The following KMT5C variants were observed in gnomAD, a reference collection of about 807,000 sequenced individuals.
KMT5C encodes the protein histone-lysine N-methyltransferase KMT5C.
Under a neutral mutation model 38.2 loss-of-function variants are expected in KMT5C, and 16 were observed. That is an observed-to-expected ratio of 0.42 (90% confidence interval 0.28 to 0.64). The LOEUF (loss-of-function observed/expected upper bound fraction) is 0.64. Ranked by LOEUF, KMT5C falls within the 30% of genes least tolerant of loss-of-function variation. KMT5C has a pLI of 0.23. For synonymous variants in KMT5C, 291 were observed against 279.0 expected (o/e 1.04, Z -0.43); for missense variants, 598 against 665.1 (o/e 0.90, Z 1.11).
chr19:55,340,615 G>GC (rs144626907), intron 1 of KMT5C, among the ~76,000 whole-genome samples: 9,848 of 151,500 alleles, frequency 0.065, 419 homozygotes, highest in African/African-American at 0.1. Context: ...ACCCCACCAA[G>GC]CCCGTTTGGA....
Position 55,344,013 on chromosome 19 carries a change from T to A in KMT5C, c.570+16T>A. The A allele has an allele frequency of 2.5e-6, 4 of 1,609,342 alleles. No homozygotes were observed. Among genetic ancestry groups the A allele is most frequent in the Non-Finnish European group, 3.4e-6 (4 of 1,176,318 alleles). On this transcript the variant is annotated intron_variant, in intron 6 of 8. Coordinates refer to ENST00000255613, the MANE Select transcript of KMT5C (RefSeq NM_032701.4). ...CAACTGCAAGGTAAGGCCTTGGGAC[T>A]CGGGAGGAGAGGGCACGCAGGAAGA...
chr19:55,345,951 C>G (rs2089611731), intron 6 of KMT5C: 3 of 532,780 alleles, frequency 5.6e-6, no homozygotes, highest in Non-Finnish European at 1.0e-5. Context: ...ACTGCTGGCA[C>G]TGCACGCTGC....
In KMT5C at chr19:55,341,874, G is replaced by A. The variant is rs1600260926; in HGVS notation, c.-63G>A. ...GAGTCAGCACCAAGCCAGGCTCCCCGCGCCTGCCTTGCCCTCACCTGCTCC... is the reference window on the plus strand; with the variant it reads ...GAGTCAGCACCAAGCCAGGCTCCCCACGCCTGCCTTGCCCTCACCTGCTCC... On this transcript the variant is annotated 5_prime_UTR_variant, in exon 2 of 9. Transcript: ENST00000255613. The A allele has an allele frequency of 7.4e-6, 10 of 1,342,786 alleles. No homozygotes were observed. The highest frequency in any genetic ancestry group is 3.6e-4 in the Middle Eastern group (2 of 5,512). The allele number at this position is 1,342,786 out of a possible 1,614,324, so 83.2% of individuals were successfully genotyped here.
chr19:55,343,283 A>G lies in KMT5C; in HGVS notation c.387-397A>G, dbSNP rs1161669495. On this transcript the variant is annotated intron_variant, in intron 4 of 8. Coordinates refer to ENST00000255613, the MANE Select transcript of KMT5C (RefSeq NM_032701.4). This position sits in a 1 kb window ranked among gnomAD's most constrained non-coding sequence, Gnocchi z 5.5. ...TGGTACATGCTGCAGGGGAGCTGTGAGGAATGAGCAAGTGCTCCCAGGGCG... is the reference window on the plus strand; with the variant it reads ...TGGTACATGCTGCAGGGGAGCTGTGGGGAATGAGCAAGTGCTCCCAGGGCG... The G allele has an allele frequency of 3.1e-6, 1 of 317,524 alleles. No individual in the cohort carries two copies. The highest frequency in any genetic ancestry group is 3.8e-5 in the South Asian group (1 of 26,118). 19.7% of individuals were successfully genotyped at this position (317,524 alleles called of 1,614,324 possible).
In KMT5C at chr19:55,346,489, C is replaced by G. The variant is rs372350506; in HGVS notation, c.708-11C>G. ...CACCCGGCCTCATCTCCCCTTCACCCGGTCTCCCAGGAAAGGTGAAGGAGC... is the reference window on the plus strand; with the variant it reads ...CACCCGGCCTCATCTCCCCTTCACCGGGTCTCCCAGGAAAGGTGAAGGAGC... On this transcript the variant is annotated splice_polypyrimidine_tract_variant and intron_variant, in intron 7 of 8. Transcript: ENST00000255613. The G allele has an allele frequency of 6.3e-7, 1 of 1,591,324 alleles. No individual in the cohort carries two copies. The highest frequency in any genetic ancestry group is 1.7e-4 in the Middle Eastern group (1 of 6,036).
chr19:55,345,567 G>A (rs1015773634), intron 6 of KMT5C, among the ~76,000 whole-genome samples: 1 of 152,188 alleles, frequency 6.6e-6, no homozygotes. Flanking sequence ...AGGCAGGCAG[G>A]TGGCGAGGGC....
chr19:55,340,335 G>GC (rs1569018307), intron 1 of KMT5C, among the ~76,000 whole-genome samples: 26 of 146,448 alleles, frequency 1.8e-4, no homozygotes, highest in Admixed American at 6.0e-4. Context: ...GCCTCTCCCT[G>GC]ACCCTTCTCT....
chr19:55,343,996 A>C lies in KMT5C; in HGVS notation c.569A>C (p.Lys190Thr). 1 of 1,612,210 alleles carries C rather than the reference A, an allele frequency of 6.2e-7. No homozygotes were observed. Among genetic ancestry groups the C allele is most frequent in the Non-Finnish European group, 8.5e-7 (1 of 1,178,496 alleles). ...FINHDCKPNC[K>T]FVPADGNAAC... ...GCTCCAGACTGCAAACCCAACTGCAAGGTAAGGCCTTGGGACTCGGGAGGA... is the reference window on the plus strand; with the variant it reads ...GCTCCAGACTGCAAACCCAACTGCACGGTAAGGCCTTGGGACTCGGGAGGA... The change falls in exon 6 of 9, where the codon AAG becomes ACG. Residue 190 changes from lysine (K) to threonine (T), a missense_variant and splice_region_variant. By Grantham distance (78) the Lys-to-Thr change is moderately conservative (BLOSUM62 -1). Around this residue, in one of 3 missense-constraint regions of KMT5C, gnomAD observed 105 missense variants for 179.2 expected, o/e 0.59. Coordinates refer to ENST00000255613, the MANE Select transcript of KMT5C (RefSeq NM_032701.4). This position sits in a 1 kb window ranked among gnomAD's most constrained non-coding sequence, Gnocchi z 5.5.
chr19:55,346,183 GC>G, intron 6 of KMT5C, 29 bp from the exon 7 acceptor site: 1 of 1,612,460 alleles, frequency 6.2e-7, no homozygotes, highest in Non-Finnish European at 8.5e-7. Context: ...TGTGCCCTGG[GC>G]CAGGGCGCTG....
chr19:55,341,044 G>A (rs1187483244), intron 1 of KMT5C, among the ~76,000 whole-genome samples: 2 of 152,244 alleles, frequency 1.3e-5, no homozygotes, highest in Non-Finnish European at 2.9e-5. Context: ...GGGCGCGGAT[G>A]AGCCTCGAGC....
At chr19:55,342,490 C>G (rs2123190109) in intron 3 of KMT5C, 110 bp downstream of exon 3, 1 of 872,112 alleles carries the variant, frequency 1.1e-6, no homozygotes, top group Non-Finnish European at 1.7e-6. Context: ...CCTGGGGCCC[C>G]CTGACTTCCT....
Position 55,347,115 on chromosome 19 carries a change from C to T in KMT5C, c.1055C>T (p.Ala352Val), listed in dbSNP as rs1361728089. The T allele has an allele frequency of 6.5e-7, 1 of 1,549,718 alleles. No individual in the cohort carries two copies. Among genetic ancestry groups the T allele is most frequent in the Non-Finnish European group, 8.7e-7 (1 of 1,154,954 alleles). Residue 352 changes from alanine (A) to valine (V), a missense_variant, in exon 9 of 9, where the codon GCC becomes GTC. Around this residue, in one of 3 missense-constraint regions of KMT5C, gnomAD observed 326 missense variants for 298.1 expected, o/e 1.09. Transcript: ENST00000255613. This position sits in a 1 kb window ranked among gnomAD's most constrained non-coding sequence, Gnocchi z 4.6. ...RAPVLSTHHA[A>V]RVSLHRWGGC... ...CCAGTGCTCTCCACCCACCACGCTG[C>T]CCGCGTCTCCCTGCACCGATGGGGA...
In KMT5C at chr19:55,343,737, A is replaced by G; in HGVS notation, c.444A>G (p.Ala148=). 1 of 1,588,228 alleles carries G rather than the reference A, an allele frequency of 6.3e-7. No individual in the cohort carries two copies. The highest frequency in any genetic ancestry group is 8.6e-7 in the Non-Finnish European group (1 of 1,167,002). ...GCTGCATTGCAGAGCTGCGGGAGGC[A>G]GATGAGGGGCTGCTGAGGGCCGGTG... ...LVGCIAELRE[A]DEGLLRAGEN... is the part of the protein sequence containing the mutation. The change falls in exon 5 of 9, where the codon GCA becomes GCG. Residue 148 remains alanine (A), a synonymous_variant. Transcript: ENST00000255613. The surrounding 1 kb of genome is among the most constrained non-coding windows in gnomAD (Gnocchi z 5.5).
Position 55,342,380 on chromosome 19 carries a change from C to T in KMT5C, c.276C>T (p.His92=). 2.0e-6 allele frequency: 3 copies of T among 1,500,196 alleles called. No individual in the cohort carries two copies. Among genetic ancestry groups the T allele is most frequent in the Admixed American group, 2.2e-5 (1 of 45,422 alleles). The allele number at this position is 1,500,196 out of a possible 1,614,324, so 92.9% of individuals were successfully genotyped here. A position where few individuals can be genotyped will look rare whatever the true frequency, so the allele number is the denominator to read the frequency against. ...GGCAGGAGGCTGCCCTCAAGACCCA[C>T]GTGAGGGCGCCCTCCCCTCCCCCGC... The part of the protein sequence containing the change: ...GPRQEAALKT[H]VYRYLRAFLP... Residue 92 remains histidine, a splice_region_variant and synonymous_variant, in exon 3 of 9, where the codon CAC becomes CAT. Coordinates refer to ENST00000255613, the MANE Select transcript of KMT5C (RefSeq NM_032701.4).
chr19:55,346,879 AGAG>A, intron 8 of KMT5C, 74 bp from the exon 9 acceptor site: 1 of 761,596 alleles, frequency 1.3e-6, no homozygotes, highest in South Asian at 1.6e-5. Context: ...CTCCTTGTCC[AGAG>A]GAGGACCGGC....
intron 6 of KMT5C, chr19:55,345,232 C>T (rs1359520544): frequency 2.7e-6 from 1 of 367,020 alleles, no homozygotes; most frequent in South Asian, 2.0e-5. Context: ...AAATCAGGGG[C>T]AAAGGGGGGC....
intron 8 of KMT5C, 63 bp downstream of exon 8, chr19:55,346,750 C>A: frequency 7.3e-7 from 1 of 1,369,148 alleles, no homozygotes; most frequent in Non-Finnish European, 9.8e-7. Context: ...CATCTGTCTC[C>A]TTTCTTCTGA....
At chr19:55,342,969 G>T in intron 4 of KMT5C, 118 bp downstream of exon 4, 1 of 688,832 alleles carries the variant, frequency 1.5e-6, no homozygotes, top group Admixed American at 2.1e-5. Context: ...CTGGTCCTCC[G>T]GGCATCCTAG....
At chr19:55,346,869 C>T in intron 8 of KMT5C, 87 bp from the exon 9 acceptor site, 1 of 776,756 alleles carries the variant, frequency 1.3e-6, no homozygotes, top group Admixed American at 2.1e-5. Flanking sequence ...GCAGGGCTGC[C>T]TCCTTGTCCA....
Sources: allele counts gnomAD v4.1 joint callset (sites outside exome capture counted in the v4.1 genomes callset), GRCh38; gene constraint gnomAD v4.1.1; regional missense constraint gnomAD v4.1.1; non-coding constraint Gnocchi (gnomAD v3.1); transcripts MANE v1.5; gene names NCBI Gene and HGNC (gene_info 2026-07-23, HGNC 2026-07-21).